SLFN5: variants seen among roughly 807,000 people sequenced by gnomAD.
SLFN5 encodes schlafen family member 5.
A neutral mutation model predicts 48.5 loss-of-function variants in SLFN5; 34 were observed. The observed-to-expected ratio is 0.70, with a 90% CI of 0.53 to 0.93. The LOEUF is 0.93. SLFN5 is among the 40% of genes least tolerant of loss of function. The pLI is 0.00. For synonymous variants in SLFN5, 387 were observed against 396.2 expected, an observed-to-expected ratio of 0.98 and a Z score of 0.28; for missense variants, 1,006 against 1,071.3, an observed-to-expected ratio of 0.94 and a Z score of 0.85.
At position 35,259,312 on chromosome 17, in the gene SLFN5, G is replaced by A. The variant is rs774714975; in HGVS notation, c.622G>A (p.Val208Ile). The A allele has an allele frequency of 1.1e-5, 18 of 1,614,034 alleles. No individual in the cohort carries two copies. The East Asian group carries it at 2.7e-4, about 24-fold the overall frequency. ...VMFSTDVSHCVKDRLPKCVSA... is the reference protein window; with the variant it reads ...VMFSTDVSHCIKDRLPKCVSA... The stretch of plus-strand genomic sequence containing the variant: ...GTTCTCGACAGACGTGTCACACTGT[G>A]TTAAAGACAGACTTCCGAAGTGTGT... Residue 208 changes from valine (V) to isoleucine (I), a missense_variant, in exon 2 of 5, where the codon GTT (valine) becomes ATT (isoleucine). Coordinates refer to ENST00000299977, the MANE Select transcript of SLFN5 (RefSeq NM_144975.4).
intron 2 of SLFN5, 165 bp downstream of exon 2, chr17:35,259,867 T>A: frequency 1.3e-6 from 1 of 796,290 alleles, no homozygotes; most frequent in Non-Finnish European, 1.9e-6. Context: ...AGTTCGTGGA[T>A]TATTGCCCTT....
At position 35,268,766 on chromosome 17, in the gene SLFN5, TAAG is replaced by T. The variant is rs1171315893; in HGVS notation, c.*2882_*2884del. 1 of 152,162 alleles carries T rather than the reference TAAG, an allele frequency of 6.6e-6. No homozygotes were observed. The highest frequency in any genetic ancestry group is 1.5e-5 in the Non-Finnish European group (1 of 68,068). The allele number at this position is 152,162 out of a possible 1,614,324, so 9.4% of individuals were successfully genotyped here. A position where few individuals can be genotyped will look rare whatever the true frequency, so the allele number is the denominator to read the frequency against. On this transcript the variant is annotated 3_prime_UTR_variant, in exon 5 of 5. Transcript: ENST00000299977. ...AGATGTCTCCTGCCATAGAAGAATT[TAAG>T]AAGTTCATAAATTCAATAAAACAAG... is the stretch of plus-strand genomic sequence containing the variant.
intron 1 of SLFN5, among the ~76,000 whole-genome samples, chr17:35,243,826 G>A (rs2092424623): frequency 6.6e-6 from 1 of 152,232 alleles, no homozygotes; most frequent in Admixed American, 6.5e-5. Flanking sequence ...TGCTGTTGAT[G>A]CCAAACACTG....
chr17:35,249,445 A>C (rs367571700), intron 1 of SLFN5, among the ~76,000 whole-genome samples: 21 of 152,360 alleles, frequency 1.4e-4, no homozygotes, highest in Admixed American at 2.6e-4. Context: ...CTAAACACTC[A>C]AGGTGATTTA....
chr17:35,246,550 TAAA>T (rs1232724138), intron 1 of SLFN5, among the ~76,000 whole-genome samples: 1 of 152,158 alleles, frequency 6.6e-6, no homozygotes, highest in Non-Finnish European at 1.5e-5. Flanking sequence ...ATATATCATT[TAAA>T]AAAATTTATT....
intron 1 of SLFN5, among the ~76,000 whole-genome samples, chr17:35,245,702 T>C (rs1434340077): frequency 6.6e-6 from 1 of 152,244 alleles, no homozygotes; most frequent in Non-Finnish European, 1.5e-5. Flanking sequence ...TCTTCTATTA[T>C]ATGGATAATC....
chr17:35,248,832 C>A, intron 1 of SLFN5, among the ~76,000 whole-genome samples: 1 of 152,152 alleles, frequency 6.6e-6, no homozygotes, highest in East Asian at 1.9e-4. Flanking sequence ...GGTTACCTAA[C>A]CTCTATCAAC....
At position 35,268,422 on chromosome 17, in the gene SLFN5, A is replaced by G. The variant is rs1904754760; in HGVS notation, c.*2534A>G. On this transcript the variant is annotated 3_prime_UTR_variant, in exon 5 of 5. Transcript: ENST00000299977. ...GGATATATAACTCAGGGGACAAAAG[A>G]CAACTCACCATAAGTTGGGCGCAGT... is the stretch of plus-strand genomic sequence containing the variant. The G allele has an allele frequency of 6.6e-6, 1 of 152,388 alleles. No homozygotes were observed. Among genetic ancestry groups the G allele is most frequent in the South Asian group, 2.1e-4 (1 of 4,826 alleles). 9.4% of individuals were successfully genotyped at this position (152,388 alleles called of 1,614,324 possible).
chr17:35,257,021 C>T (rs187933985), intron 1 of SLFN5, among the ~76,000 whole-genome samples: 3 of 152,096 alleles, frequency 2.0e-5, no homozygotes, highest in Non-Finnish European at 4.4e-5. Context: ...CTAGGCTGCG[C>T]ACTCCTTATG....
intron 2 of SLFN5, chr17:35,259,964 A>G: frequency 2.3e-6 from 1 of 439,942 alleles, no homozygotes; most frequent in South Asian, 4.1e-5. Context: ...GGGCTGTTTG[A>G]CCTAGTTATT....
rs1051466954 is a variant in SLFN5, at chr17:35,271,196, T to C, written c.*5308T>C. The C allele has an allele frequency of 2.6e-5, 4 of 152,210 alleles. No homozygotes were observed. The highest frequency in any genetic ancestry group is 2.9e-5 in the Non-Finnish European group (2 of 68,032). 9.4% of individuals were successfully genotyped at this position (152,210 alleles called of 1,614,324 possible). On this transcript the variant is annotated 3_prime_UTR_variant, in exon 5 of 5. Coordinates refer to ENST00000299977, the MANE Select transcript of SLFN5 (RefSeq NM_144975.4). ...GGAACAAGTAGGAATAATGTACTTA[T>C]AGTATTCATCTTCATACAGGGATGG...
At chr17:35,254,405 T>C (rs1377855214) in intron 1 of SLFN5, among the ~76,000 whole-genome samples, 1 of 152,168 alleles carries the variant, frequency 6.6e-6, no homozygotes, top group Non-Finnish European at 1.5e-5. Context: ...TCCAGGGGAT[T>C]TTTAAACTTC....
chr17:35,269,049 G>A lies in SLFN5; in HGVS notation c.*3161G>A, dbSNP rs1221290615. On this transcript the variant is annotated 3_prime_UTR_variant, in exon 5 of 5. Transcript: ENST00000299977. ...GTCTTATTTTGCAATTGTTTCAGGA[G>A]GGAGGATAAATATGGTCCCTGTTCC... 5 of 152,182 alleles carry A rather than the reference G, an allele frequency of 3.3e-5. No individual in the cohort carries two copies. The highest frequency in any genetic ancestry group is 7.3e-5 in the Non-Finnish European group (5 of 68,040). 9.4% of individuals were successfully genotyped at this position (152,182 alleles called of 1,614,324 possible).
At position 35,270,158 on chromosome 17, in the gene SLFN5, C is replaced by A. The variant is rs1904796017; in HGVS notation, c.*4270C>A. 1 of 151,844 alleles carries A rather than the reference C, an allele frequency of 6.6e-6. No individual in the cohort carries two copies. The highest frequency in any genetic ancestry group is 2.4e-5 in the African/African-American group (1 of 41,334). 9.4% of individuals were successfully genotyped at this position (151,844 alleles called of 1,614,324 possible). A position where few individuals can be genotyped will look rare whatever the true frequency, so the allele number is the denominator to read the frequency against. ...TTCTATCTAGCTGTTCTTATATTTT[C>A]TCTGATATATTTTTAAAAGCTTTCT... On this transcript the variant is annotated 3_prime_UTR_variant, in exon 5 of 5. Coordinates refer to ENST00000299977, the MANE Select transcript of SLFN5 (RefSeq NM_144975.4).
Position 35,265,411 on chromosome 17 carries a change from TCCACCTAACCTCCC to T in SLFN5, c.2202_2215del (p.Pro735TrpfsTer8). ...TAATGCAGGAAGCCCGACAAAATCC[TCCACCTAACCTCCC>T]CCCTGGGTCCCTGGTGATGCTCTAT... On this transcript the variant is annotated frameshift_variant, in exon 5 of 5. Transcript: ENST00000299977. LOFTEE classifies it low-confidence loss of function (END_TRUNC). 1 of 1,614,192 alleles carries T rather than the reference TCCACCTAACCTCCC, an allele frequency of 6.2e-7. No individual in the cohort carries two copies. The highest frequency in any genetic ancestry group is 8.5e-7 in the Non-Finnish European group (1 of 1,180,024).
In SLFN5 at chr17:35,272,507, G is replaced by A. The variant is rs549870696; in HGVS notation, c.*6619G>A. 6.6e-6 allele frequency: 1 copy of A among 152,242 alleles called. No homozygotes were observed. Among genetic ancestry groups the A allele is most frequent in the South Asian group, 2.1e-4 (1 of 4,812 alleles). 9.4% of individuals were successfully genotyped at this position (152,242 alleles called of 1,614,324 possible). ...TCAGCATGGGGAAGGTCTAAGTATG[G>A]CCCTCAATCAGAAACCAGGAAGGAA... On this transcript the variant is annotated 3_prime_UTR_variant, in exon 5 of 5. Coordinates refer to ENST00000299977, the MANE Select transcript of SLFN5 (RefSeq NM_144975.4).
At chr17:35,248,886 G>A (rs1403822299) in intron 1 of SLFN5, among the ~76,000 whole-genome samples, 1 of 152,014 alleles carries the variant, frequency 6.6e-6, no homozygotes, top group Non-Finnish European at 1.5e-5. Flanking sequence ...AATCCTGGAG[G>A]GCAAAAGCTG....
chr17:35,257,392 C>T (rs1285509925), intron 1 of SLFN5, among the ~76,000 whole-genome samples: 1 of 152,172 alleles, frequency 6.6e-6, no homozygotes, highest in Non-Finnish European at 1.5e-5. Context: ...TCACCAAGGA[C>T]CTGCCATTCC....
At chr17:35,244,396 A>G (rs1219712890) in intron 1 of SLFN5, among the ~76,000 whole-genome samples, 1 of 152,192 alleles carries the variant, frequency 6.6e-6, no homozygotes, top group African/African-American at 2.4e-5. Context: ...TCCCCTACCA[A>G]TAGCGGGTGG....
Sources: allele counts gnomAD v4.1 joint callset (sites outside exome capture counted in the v4.1 genomes callset), GRCh38; gene constraint gnomAD v4.1.1; transcripts MANE v1.5; gene names NCBI Gene and HGNC (gene_info 2026-07-23, HGNC 2026-07-21).